The following XRN1 variants were observed in gnomAD, a reference collection of about 807,000 sequenced individuals.
The protein encoded by XRN1 is 5'-3' exoribonuclease 1, also known as strand-exchange protein 1 homolog.
A neutral mutation model predicts 222.3 loss-of-function variants in XRN1; 67 were observed. That is an observed-to-expected ratio of 0.30 (90% CI 0.25 to 0.37). The LOEUF (loss-of-function observed/expected upper bound fraction) is 0.37, where lower values mean the gene tolerates loss of function less well. Ranked by LOEUF, XRN1 falls within the 10% of genes least tolerant of loss-of-function variation. The probability of loss-of-function intolerance (pLI) is 1.00; values close to 1 mark genes in which losing one functional copy is unlikely to be tolerated. For missense variants in XRN1, 1,707 were observed against 2,000.2 expected (o/e 0.85, Z 2.80); for synonymous variants, 643 against 652.4 (o/e 0.99, Z 0.22).
intron 34 of XRN1, 141 bp from the exon 35 acceptor site, chr3:142,333,230 A>C (rs1371373299): frequency 9.9e-7 from 1 of 1,011,978 alleles, no homozygotes; most frequent in African/African-American, 1.7e-5. Context: ...AGAGAATTGG[A>C]ATAAATAGTT....
At chr3:142,341,325 C>G (rs981562253) in intron 33 of XRN1, among the ~76,000 whole-genome samples, 4 of 151,984 alleles carry the variant, frequency 2.6e-5, no homozygotes, top group Non-Finnish European at 5.9e-5. Flanking sequence ...GAAATTATGT[C>G]ACACCACTAG....
At chr3:142,419,308 C>T (rs931553750) in intron 10 of XRN1, among the ~76,000 whole-genome samples, 5 of 151,816 alleles carry the variant, frequency 3.3e-5, no homozygotes, top group African/African-American at 9.7e-5. Context: ...TTGCAGAGCC[C>T]GTTTTCTTAG....
intron 32 of XRN1, among the ~76,000 whole-genome samples, chr3:142,351,816 A>G (rs1346894453): frequency 6.6e-6 from 1 of 151,796 alleles, no homozygotes; most frequent in Non-Finnish European, 1.5e-5. Flanking sequence ...GACAGATATC[A>G]CAGCTGGATA....
At chr3:142,393,478 A>AATCC (rs2067812401) in intron 20 of XRN1, among the ~76,000 whole-genome samples, 1 of 149,310 alleles carries the variant, frequency 6.7e-6, no homozygotes, top group Non-Finnish European at 1.5e-5. Context: ...TTAAGTCTTT[A>AATCC]ATCCATCTTG....
chr3:142,359,596 T>G (rs1045296755), intron 30 of XRN1, among the ~76,000 whole-genome samples: 1 of 152,182 alleles, frequency 6.6e-6, no homozygotes, highest in Admixed American at 6.5e-5. Flanking sequence ...TCATACTCTT[T>G]ATAAAAACCT....
intron 39 of XRN1, among the ~76,000 whole-genome samples, chr3:142,313,735 T>A (rs895829042): frequency 6.6e-6 from 1 of 152,156 alleles, no homozygotes; most frequent in African/African-American, 2.4e-5. Context: ...AAAACACTAA[T>A]AAGATTCAGA....
chr3:142,435,379 C>G (rs1377887761), intron 1 of XRN1: 3 of 149,160 alleles, frequency 2.0e-5, no homozygotes, highest in Non-Finnish European at 4.4e-5. Context: ...GCCTGGGCAA[C>G]TGAGCAAGAC....
rs1156800320 is a variant in XRN1 at position 142,414,199 on chromosome 3, G to T, written c.1529C>A (p.Pro510Gln). ...AAGTACAGCAAGAAGCTGTTCAAAT[G>T]GCTTAAAAGGTTTTCCTAGTTCAAA... ...IHFELGKPFK[P>Q]FEQLLAVLPA... Residue 510 changes from proline to glutamine, a missense_variant, in exon 14 of 41, where the codon CCA (proline) becomes CAA (glutamine). Around this residue, in one of 2 missense-constraint regions of XRN1, gnomAD observed 1,234 missense variants for 1,518.2 expected, o/e 0.81. Transcript: ENST00000392981. 6.2e-7 allele frequency: 1 copy of T among 1,613,714 alleles called. No homozygotes were observed. The highest frequency in any genetic ancestry group is 8.5e-7 in the Non-Finnish European group (1 of 1,179,882).
At chr3:142,439,857 T>C (rs1381641253) in intron 1 of XRN1, among the ~76,000 whole-genome samples, 1 of 152,110 alleles carries the variant, frequency 6.6e-6, no homozygotes, top group Non-Finnish European at 1.5e-5. Flanking sequence ...AGGGCTTGCT[T>C]CCAGTGCGGT....
In XRN1 at chr3:142,432,672, C is replaced by T. The variant is rs1194261729; in HGVS notation, c.297G>A (p.Gly99=). The part of the protein sequence containing the change: ...APRAKMNQQR[G]RRFRSAKEAE... ...CATAAATGTTTTACCTAAAACGCCT[C>T]CCACGCTGCTGGTTCATTTTTGCTC... Residue 99 remains glycine (G), a synonymous_variant, in exon 2 of 41, where the codon GGG becomes GGA. Coordinates refer to ENST00000392981, the MANE Select transcript of XRN1 (RefSeq NM_001282857.2). The T allele has an allele frequency of 6.2e-7, 1 of 1,600,324 alleles. No homozygotes were observed. The highest frequency in any genetic ancestry group is 8.5e-7 in the Non-Finnish European group (1 of 1,172,308).
intron 20 of XRN1, among the ~76,000 whole-genome samples, chr3:142,390,622 C>T (rs1490598965): frequency 6.6e-6 from 1 of 152,212 alleles, no homozygotes; most frequent in Non-Finnish European, 1.5e-5. Context: ...ATCCAGACCA[C>T]TAAAACTTTC....
At chr3:142,365,006 T>A in intron 29 of XRN1, 41 bp downstream of exon 29, 1 of 1,584,736 alleles carries the variant, frequency 6.3e-7, no homozygotes, top group Non-Finnish European at 8.6e-7. Flanking sequence ...TACTTTACAA[T>A]ATAAATTACG....
At position 142,418,579 on chromosome 3, in the gene XRN1, T is replaced by A. The variant is rs763876972; in HGVS notation, c.1271A>T (p.Asp424Val). 2 of 1,603,062 alleles carry A rather than the reference T, an allele frequency of 1.2e-6. No individual in the cohort carries two copies. Among genetic ancestry groups the A allele is most frequent in the South Asian group, 1.1e-5 (1 of 87,654 alleles). The change falls in exon 12 of 41, where the codon GAC becomes GTC. Residue 424 changes from aspartate (D) to valine (V), a missense_variant. Physicochemically the swap from Asp to Val is radical, Grantham distance 152 (BLOSUM62 -3). Around this residue, in one of 2 missense-constraint regions of XRN1, gnomAD observed 1,234 missense variants for 1,518.2 expected, o/e 0.81. Transcript: ENST00000392981. Reference protein sequence around the residue: ...DNLEDETEDDDLFETEFRQYK... With the variant: ...DNLEDETEDDVLFETEFRQYK... ...TTGTCTAAACTCAGTTTCAAATAGG[T>A]CATCATCTTCAGTCTCATCTTCTAA... is the stretch of plus-strand genomic sequence containing the variant.
At chr3:142,376,848 T>A (rs1317576179) in intron 23 of XRN1, among the ~76,000 whole-genome samples, 3 of 152,088 alleles carry the variant, frequency 2.0e-5, no homozygotes, top group Non-Finnish European at 1.5e-5. Context: ...AAATATACAG[T>A]TTGTGAAACT....
At chr3:142,352,069 T>C (rs1166929906) in intron 32 of XRN1, among the ~76,000 whole-genome samples, 3 of 152,226 alleles carry the variant, frequency 2.0e-5, no homozygotes, top group Non-Finnish European at 2.9e-5. Context: ...CATTCTATCA[T>C]TCTACTCCTC....
At chr3:142,319,286 G>C (rs1459699102) in intron 37 of XRN1, among the ~76,000 whole-genome samples, 1 of 152,066 alleles carries the variant, frequency 6.6e-6, no homozygotes, top group Non-Finnish European at 1.5e-5. Flanking sequence ...AGCTGTGATA[G>C]AGACTATCTG....
At chr3:142,406,719 G>A (rs538498049) in intron 15 of XRN1, among the ~76,000 whole-genome samples, 2 of 151,728 alleles carry the variant, frequency 1.3e-5, no homozygotes, top group Non-Finnish European at 2.9e-5. Context: ...GTAGAGGTTG[G>A]GTCTTGCTGT....
At chr3:142,326,027 C>G (rs191494436) in intron 37 of XRN1, among the ~76,000 whole-genome samples, 42 of 152,128 alleles carry the variant, frequency 2.8e-4, no homozygotes, top group African/African-American at 9.2e-4. Flanking sequence ...TGGTCTCTGT[C>G]TGTTTTTAAG....
rs1390462842 is a variant in XRN1, at chr3:142,403,984, T to C, written c.1889A>G (p.Lys630Arg). ...PAIERCCTRYKIISLDAWRVD... is the reference protein window; with the variant it reads ...PAIERCCTRYRIISLDAWRVD... ...ACGCCAAGCATCTAAGGATATTATT[T>C]TATACCTAGAAAATAAATCAAGGCA... The change falls in exon 17 of 41, where the codon AAA (lysine) becomes AGA (arginine). Residue 630 changes from lysine to arginine, a missense_variant. Physicochemically the swap from Lys to Arg is conservative, Grantham distance 26. Around this residue, in one of 2 missense-constraint regions of XRN1, gnomAD observed 1,234 missense variants for 1,518.2 expected, o/e 0.81. Transcript: ENST00000392981. The C allele has an allele frequency of 1.3e-6, 2 of 1,568,192 alleles. No individual in the cohort carries two copies. The highest frequency in any genetic ancestry group is 3.4e-5 in the Admixed American group (2 of 58,504).
Sources: allele counts gnomAD v4.1 joint callset (sites outside exome capture counted in the v4.1 genomes callset), GRCh38; gene constraint gnomAD v4.1.1; regional missense constraint gnomAD v4.1.1; transcripts MANE v1.5; gene names NCBI Gene and HGNC (gene_info 2026-07-23, HGNC 2026-07-21).